SEC14L4: variants seen among roughly 807,000 people sequenced by gnomAD.
SEC14L4 encodes the protein SEC14 like lipid binding 4, also known as SEC14-like protein 4.
SEC14L4 carries 42 observed loss-of-function variants against 55.1 expected under a neutral mutation model. That is an observed-to-expected ratio of 0.76 (90% CI 0.60 to 0.99). The LOEUF is 0.99. Among genes scored for constraint, SEC14L4 ranks in the 50% least tolerant of loss-of-function variants. The pLI is 0.00. For synonymous variants in SEC14L4, 206 were observed against 206.8 expected (o/e 1.00, Z 0.03); for missense variants, 445 against 512.1 (o/e 0.87, Z 1.27).
intron 6 of SEC14L4, 75 bp from the exon 7 acceptor site, chr22:30,494,285 G>T: frequency 8.6e-7 from 1 of 1,164,482 alleles, no homozygotes; most frequent in Non-Finnish European, 1.3e-6. Flanking sequence ...GGCCTCTGAT[G>T]CTGCTGAGAC....
intron 2 of SEC14L4, among the ~76,000 whole-genome samples, chr22:30,503,400 G>A (rs1936392488): frequency 6.6e-6 from 1 of 152,056 alleles, no homozygotes; most frequent in African/African-American, 2.4e-5. Context: ...GAGTAGCTGA[G>A]ATTACAGGCA....
intron 5 of SEC14L4, 28 bp downstream of exon 5, chr22:30,495,226 G>A (rs2146178419): frequency 6.4e-7 from 1 of 1,566,676 alleles, no homozygotes; most frequent in South Asian, 1.2e-5. Context: ...GTAGACAGAT[G>A]AGGCCCAGCC....
At chr22:30,495,864 T>C (rs1936132611) in intron 3 of SEC14L4, 64 bp downstream of exon 3, 1 of 1,594,800 alleles carries the variant, frequency 6.3e-7, no homozygotes, top group East Asian at 2.2e-5. Context: ...TCTCTACCCT[T>C]TTGCAGCAAA....
intron 2 of SEC14L4, among the ~76,000 whole-genome samples, chr22:30,497,765 C>T (rs905141276): frequency 7.9e-5 from 12 of 152,256 alleles, no homozygotes; most frequent in Non-Finnish European, 1.2e-4. Flanking sequence ...TTCACCTATG[C>T]GATCTTTGCT....
In SEC14L4 at chr22:30,491,959, A is replaced by G. The variant is rs772384030; in HGVS notation, c.786T>C (p.Gly262=). 1.9e-6 allele frequency: 3 copies of G among 1,613,808 alleles called. No individual in the cohort carries two copies. Among genetic ancestry groups the G allele is most frequent in the Non-Finnish European group, 2.5e-6 (3 of 1,179,926 alleles). ...PKCLTKINYG[G]EVPKSYYLCE... ...ACAGGTAGTAGCTCTTGGGCACCTC[A>G]CCCCCATAGTTGATCTGTGGGTGAA... Residue 262 remains glycine, a synonymous_variant, in exon 10 of 12, where the codon GGT becomes GGC. Transcript: ENST00000255858.
intron 2 of SEC14L4, among the ~76,000 whole-genome samples, chr22:30,501,284 G>A (rs1257064892): frequency 6.6e-6 from 1 of 152,130 alleles, no homozygotes; most frequent in Non-Finnish European, 1.5e-5. Flanking sequence ...GAGGCATCAG[G>A]ACACCCAGCC....
intron 2 of SEC14L4, among the ~76,000 whole-genome samples, chr22:30,501,030 C>G (rs1299366623): frequency 6.6e-6 from 1 of 151,342 alleles, no homozygotes; most frequent in Non-Finnish European, 1.5e-5. Flanking sequence ...GACCCTGTGA[C>G]CCTGTGTCTA....
rs78983353 is a variant in SEC14L4, at chr22:30,495,526, G to C, written c.234+57C>G. 742 of 1,609,682 alleles carry C rather than the reference G, an allele frequency of 4.6e-4. 5 individuals carry two copies. In the East Asian group the frequency reaches 7.5e-3, roughly 16 times the overall value. On this transcript the variant is annotated intron_variant, in intron 4 of 11. Transcript: ENST00000255858. ...ATCAGGTGGCTGGACGTGGTAGGTG[G>C]GAGATGTCAGGGGTGAGGGGCCTCA... is the stretch of plus-strand genomic sequence containing the variant.
intron 2 of SEC14L4, among the ~76,000 whole-genome samples, chr22:30,499,097 C>T (rs991366358): frequency 4.6e-5 from 7 of 152,120 alleles, no homozygotes; most frequent in East Asian, 1.9e-4. Context: ...CCCGCCACCA[C>T]GCCCAGCTAA....
intron 2 of SEC14L4, among the ~76,000 whole-genome samples, chr22:30,496,907 G>A (rs1936169524): frequency 6.6e-6 from 1 of 152,138 alleles, no homozygotes; most frequent in Non-Finnish European, 1.5e-5. Flanking sequence ...TTTGACTGTT[G>A]CTCTCTGAGA....
intron 7 of SEC14L4, among the ~76,000 whole-genome samples, chr22:30,493,298 A>G (rs1200976858): frequency 2.0e-5 from 3 of 152,046 alleles, no homozygotes; most frequent in African/African-American, 7.2e-5. Context: ...CTCACACTCA[A>G]CTGAGCACTG....
chr22:30,492,810 G>A (rs1165781428), intron 7 of SEC14L4: 10 of 425,690 alleles, frequency 2.3e-5, no homozygotes, highest in Middle Eastern at 6.9e-4. Flanking sequence ...CAGGCCAGGC[G>A]CAGTGGCTCA....
rs1434056322 is a variant in SEC14L4, at chr22:30,489,767, A to G, written c.*340T>C. 4 of 1,172,846 alleles carry G rather than the reference A, an allele frequency of 3.4e-6. No homozygotes were observed. The highest frequency in any genetic ancestry group is 5.0e-6 in the Non-Finnish European group (4 of 801,618). 72.7% of individuals were successfully genotyped at this position (1,172,846 alleles called of 1,614,324 possible). ...GAAGCTGGAACACCAGGCATGGGTG[A>G]GTCCTGGGTGGCTGGATCTTGTCAA... On this transcript the variant is annotated 3_prime_UTR_variant, in exon 12 of 12. Coordinates refer to ENST00000255858, the MANE Select transcript of SEC14L4 (RefSeq NM_174977.4).
chr22:30,490,031 C>T lies in SEC14L4; in HGVS notation c.*76G>A. On this transcript the variant is annotated 3_prime_UTR_variant, in exon 12 of 12. Transcript: ENST00000255858. ...CTCTCTGCAGCCACCTCCAGCACCA[C>T]CCTGCCTGGGAAGGCAGGGGTCAGA... 7 of 1,590,928 alleles carry T rather than the reference C, an allele frequency of 4.4e-6. No homozygotes were observed. The highest frequency in any genetic ancestry group is 6.0e-6 in the Non-Finnish European group (7 of 1,167,542).
At chr22:30,492,793 G>T in intron 7 of SEC14L4, 1 of 467,848 alleles carries the variant, frequency 2.1e-6, no homozygotes, top group Non-Finnish European at 3.9e-6. Context: ...TCAATAAATG[G>T]TTGTCTCAGG....
Position 30,489,532 on chromosome 22 carries a change from G to A in SEC14L4, c.*575C>T, listed in dbSNP as rs951631830. 2.0e-5 allele frequency: 9 copies of A among 448,590 alleles called. 1 individual carries two copies. The highest frequency in any genetic ancestry group is 1.2e-4 in the South Asian group (4 of 34,590). 27.8% of individuals were successfully genotyped at this position (448,590 alleles called of 1,614,324 possible). ...TGGGATTATAGGCGTGAGCCACCAC[G>A]CCCAGTCCATTTCCAATTTTCCATC... On this transcript the variant is annotated 3_prime_UTR_variant, in exon 12 of 12. Coordinates refer to ENST00000255858, the MANE Select transcript of SEC14L4 (RefSeq NM_174977.4).
rs1936256624 is a variant in SEC14L4, at chr22:30,499,575, T to C, written c.131-3604A>G. The stretch of plus-strand genomic sequence containing the variant: ...CAACATGGTGAAACCCTGTCTCTAC[T>C]AAAAATACAAAAAATTAGCTGAGTG... On this transcript the variant is annotated intron_variant, in intron 2 of 11. Coordinates refer to ENST00000255858, the MANE Select transcript of SEC14L4 (RefSeq NM_174977.4). 2.6e-5 allele frequency among the ~76,000 whole-genome samples: 4 copies of C among 151,178 alleles called. No homozygotes were observed. In the South Asian group the frequency reaches 8.4e-4, roughly 32 times the overall value.
At chr22:30,494,334 G>A in intron 6 of SEC14L4, 124 bp from the exon 7 acceptor site, 1 of 732,508 alleles carries the variant, frequency 1.4e-6, no homozygotes, top group South Asian at 1.6e-5. Context: ...TTCCCCACAA[G>A]CATGTGCCTC....
At chr22:30,490,351 C>T (rs756467821) in intron 11 of SEC14L4, 105 bp from the exon 12 acceptor site, 6 of 1,552,030 alleles carry the variant, frequency 3.9e-6, no homozygotes, top group Non-Finnish European at 4.3e-6. Context: ...TGAGCTGCAT[C>T]CCTGGAACGT....
Sources: allele counts gnomAD v4.1 joint callset (sites outside exome capture counted in the v4.1 genomes callset), GRCh38; gene constraint gnomAD v4.1.1; transcripts MANE v1.5; gene names NCBI Gene and HGNC (gene_info 2026-07-23, HGNC 2026-07-21).